The following BACH2 variants were observed in gnomAD, a reference collection of about 807,000 sequenced individuals.
The protein encoded by BACH2 is BACH transcriptional regulator 2.
BACH2 carries 5 observed loss-of-function variants against 61.8 expected under a neutral mutation model. The ratio of observed to expected loss-of-function variants is 0.08; its 90% CI spans 0.04 to 0.17. BACH2 has a LOEUF of 0.17. Ranked by LOEUF, BACH2 falls within the 10% of genes least tolerant of loss-of-function variation. The probability of loss-of-function intolerance (pLI) is 1.00; values close to 1 mark genes in which losing one functional copy is unlikely to be tolerated. For synonymous variants in BACH2, 446 were observed against 440.1 expected (o/e 1.01, Z -0.17); for missense variants, 824 against 1,091.1 (o/e 0.76, Z 3.45).
chr6:90,134,226 G>A (rs778431591), intron 4 of BACH2, among the ~76,000 whole-genome samples: 81 of 152,222 alleles, frequency 5.3e-4, no homozygotes, highest in African/African-American at 1.4e-3. Flanking sequence ...TTTAATGATC[G>A]CCATTCTAAC....
intron 5 of BACH2, among the ~76,000 whole-genome samples, chr6:90,023,432 A>G (rs1778483194): frequency 1.3e-5 from 2 of 152,116 alleles, no homozygotes; most frequent in Middle Eastern, 3.4e-3. Flanking sequence ...CCACATGAAG[A>G]CGCCTGCTCC....
chr6:90,252,200 T>C, intron 3 of BACH2, among the ~76,000 whole-genome samples: 1 of 152,174 alleles, frequency 6.6e-6, no homozygotes, highest in East Asian at 1.9e-4. Context: ...AATACAAAGA[T>C]TCACACAACT....
At chr6:90,022,460 T>C (rs542483468) in intron 5 of BACH2, among the ~76,000 whole-genome samples, 1 of 152,330 alleles carries the variant, frequency 6.6e-6, no homozygotes, top group South Asian at 2.1e-4. Context: ...AGTGCATGCC[T>C]GTAATCCCAG....
intron 4 of BACH2, among the ~76,000 whole-genome samples, chr6:90,171,606 ATAAGAATT>A (rs1255016866): frequency 2.0e-5 from 3 of 152,340 alleles, no homozygotes; most frequent in Non-Finnish European, 4.4e-5. Context: ...AGAGATTTTC[ATAAGAATT>A]CCAAGTAATT....
chr6:90,024,480 G>C (rs190676054), intron 5 of BACH2, among the ~76,000 whole-genome samples: 22 of 152,254 alleles, frequency 1.4e-4, no homozygotes, highest in Non-Finnish European at 2.5e-4. Flanking sequence ...CAGAGATCTC[G>C]TGTTTTGTCT....
intron 6 of BACH2, among the ~76,000 whole-genome samples, chr6:89,974,408 T>A (rs1412651165): frequency 1.3e-5 from 2 of 152,220 alleles, no homozygotes; most frequent in African/African-American, 4.8e-5. Flanking sequence ...AAAATCATCA[T>A]CATCATCACT....
intron 4 of BACH2, among the ~76,000 whole-genome samples, chr6:90,153,989 T>C (rs1204908407): frequency 6.6e-6 from 1 of 152,202 alleles, no homozygotes; most frequent in African/African-American, 2.4e-5. Context: ...CTATTTTGAT[T>C]ATGGTCATTG....
chr6:90,136,620 T>C (rs1784279858), intron 4 of BACH2, among the ~76,000 whole-genome samples: 1 of 152,066 alleles, frequency 6.6e-6, no homozygotes, highest in African/African-American at 2.4e-5. Context: ...AGAGGGGATA[T>C]CACCGGCAAA....
intron 4 of BACH2, among the ~76,000 whole-genome samples, chr6:90,166,718 T>C (rs1048007130): frequency 2.6e-5 from 4 of 152,120 alleles, no homozygotes. Context: ...TGGAATACTA[T>C]GCAGCCATAA....
chr6:89,946,689 G>A (rs1409353477), intron 7 of BACH2, among the ~76,000 whole-genome samples: 2 of 152,092 alleles, frequency 1.3e-5, no homozygotes, highest in Non-Finnish European at 2.9e-5. Flanking sequence ...AAAGGAAGCT[G>A]CTAACTCTAC....
At position 89,976,740 on chromosome 6, in the gene BACH2, A is replaced by G. The variant is rs188275840; in HGVS notation, c.244-24878T>C. Among the ~76,000 whole-genome samples, 264 of 152,334 alleles carry G rather than the reference A, an allele frequency of 1.7e-3. 1 individual carries two copies. Among genetic ancestry groups the G allele is most frequent in the African/African-American group, 6.1e-3 (254 of 41,578 alleles). Reference sequence around the variant, plus strand: ...GGGTTTAGCCCTGTTTGATCATATAAAATCTCTATTACCAAAGAGAAAAAA... The same window carrying G: ...GGGTTTAGCCCTGTTTGATCATATAGAATCTCTATTACCAAAGAGAAAAAA... On this transcript the variant is annotated intron_variant, in intron 6 of 8. Transcript: ENST00000257749.
intron 4 of BACH2, among the ~76,000 whole-genome samples, chr6:90,139,998 C>T (rs1784411164): frequency 6.6e-6 from 1 of 152,174 alleles, no homozygotes. Flanking sequence ...GGAGCTTCCT[C>T]ATTCATCAGG....
chr6:90,213,472 C>T (rs1003876496), intron 3 of BACH2, among the ~76,000 whole-genome samples: 2 of 152,044 alleles, frequency 1.3e-5, no homozygotes, highest in African/African-American at 4.8e-5. Context: ...GCCTCTTGGC[C>T]CCTCTGGGTT....
intron 5 of BACH2, among the ~76,000 whole-genome samples, chr6:90,058,524 A>G (rs1305280329): frequency 6.6e-6 from 1 of 152,198 alleles, no homozygotes; most frequent in Non-Finnish European, 1.5e-5. Context: ...GGAAGAATCA[A>G]TATTGTGAAA....
At chr6:90,133,410 C>T (rs946567148) in intron 4 of BACH2, among the ~76,000 whole-genome samples, 1 of 152,056 alleles carries the variant, frequency 6.6e-6, no homozygotes, top group African/African-American at 2.4e-5. Context: ...AATGCCCTCA[C>T]CTACGTTAAA....
intron 5 of BACH2, among the ~76,000 whole-genome samples, chr6:90,050,963 G>T (rs1445169044): frequency 6.6e-6 from 1 of 151,684 alleles, no homozygotes; most frequent in Non-Finnish European, 1.5e-5. Context: ...GTAGAGATGG[G>T]GTTTCACCAT....
chr6:90,108,245 G>T (rs1209167274), intron 4 of BACH2, among the ~76,000 whole-genome samples: 6 of 152,106 alleles, frequency 3.9e-5, no homozygotes, highest in Admixed American at 3.9e-4. Context: ...GATCTCAAGG[G>T]AATGATTGGT....
chr6:89,999,796 A>C (rs964612002), intron 6 of BACH2, among the ~76,000 whole-genome samples: 1 of 152,230 alleles, frequency 6.6e-6, no homozygotes, highest in Admixed American at 6.5e-5. Context: ...ACTATTTTAA[A>C]AAAATTGATG....
Position 89,950,044 on chromosome 6 carries a change from G to T in BACH2, c.1836+226C>A. 1.7e-6 allele frequency: 1 copy of T among 593,640 alleles called. No homozygotes were observed. 36.8% of individuals were successfully genotyped at this position (593,640 alleles called of 1,614,324 possible). ...ACTCAGCAGCTTGCCTCTGCTTGTC[G>T]AGTATTGAGATCCAGATCAAATATC... On this transcript the variant is annotated intron_variant, in intron 7 of 8. Transcript: ENST00000257749. The surrounding 1 kb of genome is among the most constrained non-coding windows in gnomAD (Gnocchi z 5.3).
Sources: allele counts gnomAD v4.1 joint callset (sites outside exome capture counted in the v4.1 genomes callset), GRCh38; gene constraint gnomAD v4.1.1; non-coding constraint Gnocchi (gnomAD v3.1); transcripts MANE v1.5; gene names NCBI Gene and HGNC (gene_info 2026-07-23, HGNC 2026-07-21).